TMEM233: variants seen among roughly 807,000 people sequenced by gnomAD.
The protein encoded by TMEM233 is dispanin subfamily B member 2.
TMEM233 carries 6 observed loss-of-function variants against 11.2 expected under a neutral mutation model. That is an observed-to-expected ratio of 0.54 (90% CI 0.29 to 1.06). TMEM233 has a LOEUF of 1.06. Ranked by LOEUF, TMEM233 falls within the 50% of genes least tolerant of loss-of-function variation. The pLI, the probability that TMEM233 is intolerant of heterozygous loss-of-function variation, is 0.08. For missense variants in TMEM233, 127 were observed against 144.7 expected, an observed-to-expected ratio of 0.88 and a Z score of 0.63; for synonymous variants, 59 against 55.8, an observed-to-expected ratio of 1.06 and a Z score of -0.26.
intron 1 of TMEM233, among the ~76,000 whole-genome samples, chr12:119,628,187 T>G (rs894758762): frequency 6.6e-6 from 1 of 152,014 alleles, no homozygotes; most frequent in African/African-American, 2.4e-5. Context: ...AGACGGAGTT[T>G]CACTCTTGTT....
At chr12:119,604,898 G>T (rs1443319027) in intron 1 of TMEM233, among the ~76,000 whole-genome samples, 1 of 152,080 alleles carries the variant, frequency 6.6e-6, no homozygotes, top group Non-Finnish European at 1.5e-5. Flanking sequence ...CCTCCAAAGT[G>T]CTGGGATTAC....
rs79517185 is a variant in TMEM233 at position 119,637,092 on chromosome 12, G to A, written c.324-3607G>A. 6.5e-3 allele frequency among the ~76,000 whole-genome samples: 990 copies of A among 152,338 alleles called. 8 individuals carry two copies. Among genetic ancestry groups the A allele is most frequent in the African/African-American group, 0.023 (964 of 41,586 alleles). Reference sequence around the variant, plus strand: ...ATGTGACATCCCCATCCGTGCTCATGATCATTGAGCGGGGCGGCAGTCAGA... The same window carrying A: ...ATGTGACATCCCCATCCGTGCTCATAATCATTGAGCGGGGCGGCAGTCAGA... On this transcript the variant is annotated intron_variant, in intron 2 of 2. Coordinates refer to ENST00000426426, the MANE Select transcript of TMEM233 (RefSeq NM_001136534.3).
chr12:119,626,531 G>GAA (rs1566109226), intron 1 of TMEM233, among the ~76,000 whole-genome samples: 1,777 of 98,972 alleles, frequency 0.018, 38 homozygotes, highest in Middle Eastern at 0.046. Context: ...AAGGGAGAAG[G>GAA]GAGAAGGGAG....
intron 1 of TMEM233, among the ~76,000 whole-genome samples, chr12:119,615,078 A>AT (rs1486883082): frequency 6.9e-6 from 1 of 145,072 alleles, no homozygotes; most frequent in African/African-American, 2.6e-5. Flanking sequence ...GACCTTTATA[A>AT]TTGCCATCCT....
intron 1 of TMEM233, among the ~76,000 whole-genome samples, chr12:119,601,825 T>C (rs959698303): frequency 4.6e-5 from 7 of 152,140 alleles, no homozygotes; most frequent in Non-Finnish European, 1.0e-4. Flanking sequence ...GCATACATCT[T>C]TTCTCAGAAA....
Position 119,640,733 on chromosome 12 carries a change from G to A in TMEM233, c.*28G>A, listed in dbSNP as rs371431088. ...AACCAGCGGTCAGTGGGCTGTGAGC[G>A]TGGAGGATGGACCTCATCCACACAC... On this transcript the variant is annotated 3_prime_UTR_variant, in exon 3 of 3. Transcript: ENST00000426426. 102 of 1,550,800 alleles carry A rather than the reference G, an allele frequency of 6.6e-5. No homozygotes were observed. Among genetic ancestry groups the A allele is most frequent in the African/African-American group, 5.5e-4 (40 of 73,084 alleles).
chr12:119,613,213 CAAAAAA>C (rs3077328), intron 1 of TMEM233, among the ~76,000 whole-genome samples: 1 of 122,310 alleles, frequency 8.2e-6, no homozygotes. Context: ...AAGCCTGTTC[CAAAAAA>C]AAAAAAAAAA....
At chr12:119,604,998 CTT>C (rs1555264652) in intron 1 of TMEM233, among the ~76,000 whole-genome samples, 13 of 141,396 alleles carry the variant, frequency 9.2e-5, no homozygotes, top group East Asian at 2.0e-4. Context: ...CCCTCACTAT[CTT>C]TTTTTTTTTT....
downstream of TMEM233, among the ~76,000 whole-genome samples, chr12:119,645,981 G>A (rs887370040): frequency 6.6e-6 from 1 of 152,034 alleles, no homozygotes; most frequent in African/African-American, 2.4e-5. Flanking sequence ...CAAGAAAGAG[G>A]ACCTAAAGCA....
chr12:119,615,925 G>A (rs7310148), intron 1 of TMEM233, among the ~76,000 whole-genome samples: 55,903 of 151,952 alleles, frequency 0.37, 11,385 homozygotes, highest in African/African-American at 0.52. Flanking sequence ...CTGTCTTGCC[G>A]TCCCCCACAG....
intron 2 of TMEM233, among the ~76,000 whole-genome samples, chr12:119,633,516 A>G (rs1954924433): frequency 6.6e-6 from 1 of 152,140 alleles, no homozygotes; most frequent in Admixed American, 6.5e-5. Context: ...GAGTCCAGGA[A>G]TTCAAGGCTG....
At chr12:119,605,403 C>T (rs1787387868) in intron 1 of TMEM233, among the ~76,000 whole-genome samples, 1 of 141,698 alleles carries the variant, frequency 7.1e-6, no homozygotes, top group Non-Finnish European at 1.5e-5. Context: ...GACAGCTATG[C>T]CTTTCCTTTT....
rs1415459997 is a variant in TMEM233, at chr12:119,642,850, G to T, written c.*2145G>T. ...TCAGATTCAACCTGTCATTTTACCC[G>T]GATGTTGTGATGAGCCAGCACTTGT... On this transcript the variant is annotated 3_prime_UTR_variant, in exon 3 of 3. Transcript: ENST00000426426. 1.3e-5 allele frequency: 2 copies of T among 151,606 alleles called. No individual in the cohort carries two copies. The highest frequency in any genetic ancestry group is 4.9e-5 in the African/African-American group (2 of 41,190). The allele number at this position is 151,606 out of a possible 1,614,324, so 9.4% of individuals were successfully genotyped here. A position where few individuals can be genotyped will look rare whatever the true frequency, so the allele number is the denominator to read the frequency against.
rs1593268377 is a variant in TMEM233 at position 119,594,109 on chromosome 12, G to A, written c.186+75G>A. On this transcript the variant is annotated intron_variant, in intron 1 of 2. Coordinates refer to ENST00000426426, the MANE Select transcript of TMEM233 (RefSeq NM_001136534.3). This position sits in a 1 kb window ranked among gnomAD's most constrained non-coding sequence, Gnocchi z 5.6. ...TTTGAGCCCCTGCAGGGGAGTCCGC[G>A]CGCTCTCTGCGGCTCCCTTCCTCAC... 11 of 1,441,514 alleles carry A rather than the reference G, an allele frequency of 7.6e-6. No individual in the cohort carries two copies. In the East Asian group the frequency reaches 1.5e-4, roughly 20 times the overall value. The allele number at this position is 1,441,514 out of a possible 1,614,324, so 89.3% of individuals were successfully genotyped here.
Position 119,594,119 on chromosome 12 carries a change from C to T in TMEM233, c.186+85C>T. On this transcript the variant is annotated intron_variant, in intron 1 of 2. Coordinates refer to ENST00000426426, the MANE Select transcript of TMEM233 (RefSeq NM_001136534.3). This position sits in a 1 kb window ranked among gnomAD's most constrained non-coding sequence, Gnocchi z 5.6. ...TGCAGGGGAGTCCGCGCGCTCTCTG[C>T]GGCTCCCTTCCTCACGGCCCGGCCC... 2 of 1,368,918 alleles carry T rather than the reference C, an allele frequency of 1.5e-6. No individual in the cohort carries two copies. The highest frequency in any genetic ancestry group is 1.4e-5 in the South Asian group (1 of 72,108). The allele number at this position is 1,368,918 out of a possible 1,614,324, so 84.8% of individuals were successfully genotyped here.
intron 1 of TMEM233, among the ~76,000 whole-genome samples, chr12:119,621,902 G>T (rs971967169): frequency 1.3e-5 from 2 of 152,198 alleles, no homozygotes; most frequent in Non-Finnish European, 2.9e-5. Context: ...ATGCAAAGTT[G>T]CCAAGGTCAC....
At chr12:119,625,304 G>T (rs144994751) in intron 1 of TMEM233, among the ~76,000 whole-genome samples, 355 of 152,092 alleles carry the variant, frequency 2.3e-3, no homozygotes, top group African/African-American at 8.4e-3. Flanking sequence ...AATCAAGGAA[G>T]AGGTTCTCAG....
intron 1 of TMEM233, among the ~76,000 whole-genome samples, chr12:119,610,583 G>C (rs897254083): frequency 2.0e-5 from 3 of 151,980 alleles, no homozygotes; most frequent in African/African-American, 7.3e-5. Flanking sequence ...CCCCCATGCT[G>C]TTCTCATGAT....
downstream of TMEM233, among the ~76,000 whole-genome samples, chr12:119,646,943 C>T (rs946864210): frequency 1.3e-5 from 2 of 152,222 alleles, no homozygotes; most frequent in Non-Finnish European, 2.9e-5. Flanking sequence ...GACATCCATT[C>T]GCTTAAAAAA....
Sources: allele counts gnomAD v4.1 joint callset (sites outside exome capture counted in the v4.1 genomes callset), GRCh38; gene constraint gnomAD v4.1.1; non-coding constraint Gnocchi (gnomAD v3.1); transcripts MANE v1.5; gene names NCBI Gene and HGNC (gene_info 2026-07-23, HGNC 2026-07-21).